The following GPC5 variants were observed in gnomAD, a reference collection of about 807,000 sequenced individuals.
GPC5 encodes glypican 5, also known as glypican-5.
A neutral mutation model predicts 53.9 loss-of-function variants in GPC5; 47 were observed. That is an observed-to-expected ratio of 0.87 (90% CI 0.69 to 1.11). GPC5 has a LOEUF of 1.11. GPC5 is among the 50% of genes most tolerant of loss of function. The pLI is 0.00. For synonymous variants in GPC5, 286 were observed against 263.3 expected, an observed-to-expected ratio of 1.09 and a Z score of -0.84; for missense variants, 748 against 713.1, an observed-to-expected ratio of 1.05 and a Z score of -0.56.
chr13:92,358,479 G>A (rs2043540600), intron 7 of GPC5, among the ~76,000 whole-genome samples: 1 of 151,684 alleles, frequency 6.6e-6, no homozygotes, highest in East Asian at 1.9e-4. Flanking sequence ...CCCCAGTGGG[G>A]ACTCGGCATG....
chr13:92,843,132 G>T (rs554345604), intron 7 of GPC5, among the ~76,000 whole-genome samples: 3 of 152,250 alleles, frequency 2.0e-5, no homozygotes, highest in Admixed American at 6.5e-5. Context: ...AAGGTGGATT[G>T]TTTTTCATAA....
At chr13:91,624,337 C>T (rs534690595) in intron 2 of GPC5, among the ~76,000 whole-genome samples, 1 of 152,130 alleles carries the variant, frequency 6.6e-6, no homozygotes, top group East Asian at 1.9e-4. Context: ...AACAAAATAC[C>T]TACTTTTCAA....
chr13:91,963,655 A>G (rs1357453306), intron 6 of GPC5, among the ~76,000 whole-genome samples: 3 of 152,198 alleles, frequency 2.0e-5, no homozygotes, highest in Non-Finnish European at 2.9e-5. Flanking sequence ...GTTTGCAGGA[A>G]CAGAGACAAA....
At chr13:92,073,872 G>T (rs2041232602) in intron 6 of GPC5, among the ~76,000 whole-genome samples, 1 of 152,082 alleles carries the variant, frequency 6.6e-6, no homozygotes, top group Admixed American at 6.5e-5. Context: ...ATTGAATCAT[G>T]GGGGCTGTTA....
chr13:92,174,163 A>G (rs965910320), intron 7 of GPC5, among the ~76,000 whole-genome samples: 1 of 151,922 alleles, frequency 6.6e-6, no homozygotes, highest in African/African-American at 2.4e-5. Flanking sequence ...GATAAAAGTC[A>G]TCTTTACGTC....
At chr13:91,978,225 C>T (rs1163664086) in intron 6 of GPC5, among the ~76,000 whole-genome samples, 1 of 152,316 alleles carries the variant, frequency 6.6e-6, no homozygotes, top group Admixed American at 6.5e-5. Context: ...AATTTTGCCT[C>T]CTCAACATCA....
At chr13:92,590,092 C>G (rs1445018980) in intron 7 of GPC5, among the ~76,000 whole-genome samples, 1 of 152,138 alleles carries the variant, frequency 6.6e-6, no homozygotes, top group Non-Finnish European at 1.5e-5. Flanking sequence ...CAGCTCCTTG[C>G]AATACTTCAG....
intron 2 of GPC5, among the ~76,000 whole-genome samples, chr13:91,644,608 C>G (rs759578270): frequency 5.3e-5 from 8 of 151,820 alleles, no homozygotes; most frequent in Non-Finnish European, 8.8e-5. Flanking sequence ...TTCCTGTTAC[C>G]CTTTGTAACA....
chr13:92,750,419 G>C (rs1302613139), intron 7 of GPC5, among the ~76,000 whole-genome samples: 1 of 151,396 alleles, frequency 6.6e-6, no homozygotes, highest in Non-Finnish European at 1.5e-5. Context: ...TACTATTATT[G>C]AAGAGAAAAG....
intron 2 of GPC5, among the ~76,000 whole-genome samples, chr13:91,618,915 A>G (rs1204090751): frequency 6.6e-6 from 1 of 152,148 alleles, no homozygotes; most frequent in African/African-American, 2.4e-5. Context: ...ATATAGCAAA[A>G]CAAACAAATA....
At chr13:92,837,548 G>C (rs1224294889) in intron 7 of GPC5, among the ~76,000 whole-genome samples, 1 of 152,094 alleles carries the variant, frequency 6.6e-6, no homozygotes, top group Admixed American at 6.5e-5. Flanking sequence ...GCCACTGTGG[G>C]GAAAGAAAAT....
chr13:92,699,793 C>T (rs1327602554), intron 7 of GPC5, among the ~76,000 whole-genome samples: 1 of 152,046 alleles, frequency 6.6e-6, no homozygotes, highest in Non-Finnish European at 1.5e-5. Context: ...GTCTGATAGA[C>T]AGTTTGTTAT....
chr13:92,591,687 A>G (rs780747407), intron 7 of GPC5, among the ~76,000 whole-genome samples: 1 of 151,898 alleles, frequency 6.6e-6, no homozygotes, highest in African/African-American at 2.4e-5. Context: ...GAGCCCTTGA[A>G]TTCATTTCTC....
intron 2 of GPC5, among the ~76,000 whole-genome samples, chr13:91,497,518 T>C (rs1299223751): frequency 6.6e-6 from 1 of 152,224 alleles, no homozygotes; most frequent in Non-Finnish European, 1.5e-5. Context: ...CACTTATTGA[T>C]TGCATTCAGC....
intron 7 of GPC5, among the ~76,000 whole-genome samples, chr13:92,455,755 CT>C (rs1367306146): frequency 9.2e-5 from 14 of 152,164 alleles, no homozygotes; most frequent in African/African-American, 2.7e-4. Flanking sequence ...GAGCTATCAG[CT>C]ATTAAAAGCT....
intron 6 of GPC5, among the ~76,000 whole-genome samples, chr13:91,982,585 C>T (rs2040369204): frequency 6.6e-6 from 1 of 151,788 alleles, no homozygotes; most frequent in Non-Finnish European, 1.5e-5. Flanking sequence ...AGACGAAAAT[C>T]TAGGCAAGGG....
At chr13:92,314,533 C>T (rs1264549098) in intron 7 of GPC5, among the ~76,000 whole-genome samples, 1 of 152,150 alleles carries the variant, frequency 6.6e-6, no homozygotes, top group Non-Finnish European at 1.5e-5. Context: ...TAATTAAACA[C>T]AGTTGTTTAG....
In GPC5 at chr13:92,292,322, G is replaced by A. The variant is rs1434395165; in HGVS notation, c.1561+147333G>A. Among the ~76,000 whole-genome samples the A allele has an allele frequency of 2.6e-5, 4 of 152,194 alleles. No homozygotes were observed. In the South Asian group the frequency reaches 8.3e-4, roughly 32 times the overall value. ...CACCAGCAGTGTAGAAGTGTTCCCT[G>A]TTCACCTCATCCATGCCACCATCTA... On this transcript the variant is annotated intron_variant, in intron 7 of 7. Transcript: ENST00000377067.
chr13:92,287,567 T>G (rs936119166), intron 7 of GPC5, among the ~76,000 whole-genome samples: 2 of 152,320 alleles, frequency 1.3e-5, no homozygotes, highest in African/African-American at 4.8e-5. Flanking sequence ...TTGTTTTATC[T>G]TGATGAATCA....
Sources: allele counts gnomAD v4.1 joint callset (sites outside exome capture counted in the v4.1 genomes callset), GRCh38; gene constraint gnomAD v4.1.1; transcripts MANE v1.5; gene names NCBI Gene and HGNC (gene_info 2026-07-23, HGNC 2026-07-21).